OARD1: variants seen among roughly 807,000 people sequenced by gnomAD.
OARD1 encodes the protein O-acyl-ADP-ribose deacylase 1.
Under a neutral mutation model 19.7 loss-of-function variants are expected in OARD1, and 19 were observed. The observed-to-expected ratio is 0.96, with a 90% CI of 0.67 to 1.41. The LOEUF (loss-of-function observed/expected upper bound fraction) is 1.41. OARD1 is among the 40% of genes most tolerant of loss of function. The pLI is 0.00. For missense variants in OARD1, 190 were observed against 183.8 expected, an observed-to-expected ratio of 1.03 and a Z score of -0.20; for synonymous variants, 70 against 61.8, an observed-to-expected ratio of 1.13 and a Z score of -0.62.
At chr6:41,083,700 C>G (rs1240106717) in intron 1 of OARD1, among the ~76,000 whole-genome samples, 1 of 152,194 alleles carries the variant, frequency 6.6e-6, no homozygotes, top group African/African-American at 2.4e-5. Flanking sequence ...TCACTACAGA[C>G]CATTCCTGGA....
In OARD1 at chr6:41,067,524, T is replaced by C. The variant is rs551637427; in HGVS notation, c.357-87A>G. Reference sequence around the variant, plus strand: ...TTTTAAGCTATATCCACTCAAAGCATAAAAACAAATAATCTAGTCTGACAC... The same window carrying C: ...TTTTAAGCTATATCCACTCAAAGCACAAAAACAAATAATCTAGTCTGACAC... On this transcript the variant is annotated intron_variant, in intron 5 of 5. Transcript: ENST00000424266. 17 of 864,946 alleles carry C rather than the reference T, an allele frequency of 2.0e-5. No individual in the cohort carries two copies. In the African/African-American group the frequency reaches 2.7e-4, roughly 14 times the overall value. The allele number at this position is 864,946 out of a possible 1,614,324, so 53.6% of individuals were successfully genotyped here.
At chr6:41,093,935 A>C (rs1408203780) in intron 1 of OARD1, among the ~76,000 whole-genome samples, 1 of 152,222 alleles carries the variant, frequency 6.6e-6, no homozygotes, top group African/African-American at 2.4e-5. Context: ...CAGGAGGATC[A>C]CATGAGCCGA....
intron 1 of OARD1, chr6:41,079,283 G>A (rs6921430): frequency 0.09 from 81,386 of 904,408 alleles, 4,310 homozygotes; most frequent in Non-Finnish European, 0.11. Flanking sequence ...GTGAGATATT[G>A]GGTCTGATGG....
At chr6:41,082,235 A>T (rs1763930842) in intron 1 of OARD1, among the ~76,000 whole-genome samples, 1 of 152,234 alleles carries the variant, frequency 6.6e-6, no homozygotes, top group Non-Finnish European at 1.5e-5. Context: ...GCCAACTTTG[A>T]ACATAAATTA....
At chr6:41,072,882 T>G (rs1046112637), upstream of OARD1, 1 of 153,270 alleles carries the variant, frequency 6.5e-6, no homozygotes, top group Non-Finnish European at 1.5e-5. Flanking sequence ...GGGCGATCCC[T>G]GAACTGGAGT....
chr6:41,073,646 C>T (rs1043986505), upstream of OARD1, among the ~76,000 whole-genome samples: 1 of 152,016 alleles, frequency 6.6e-6, no homozygotes, highest in Admixed American at 6.5e-5. Flanking sequence ...GGAGGGTGCG[C>T]GCCGCGGCCG....
At chr6:41,089,648 G>A in intron 1 of OARD1, 1 of 1,612,664 alleles carries the variant, frequency 6.2e-7, no homozygotes, top group Non-Finnish European at 8.5e-7. Flanking sequence ...GGGCCAGCAG[G>A]GCCAGACCCA....
chr6:41,090,795 T>G (rs561662127), intron 1 of OARD1, among the ~76,000 whole-genome samples: 1 of 152,234 alleles, frequency 6.6e-6, no homozygotes, highest in Non-Finnish European at 1.5e-5. Flanking sequence ...CATGGAAGTA[T>G]GTTCTAGGAA....
At chr6:41,090,085 A>C in intron 1 of OARD1, 1 of 663,376 alleles carries the variant, frequency 1.5e-6, no homozygotes. Context: ...ACTGCACTCC[A>C]GCCTGGCGAC....
At chr6:41,077,079 T>A (rs1020750370), upstream of OARD1, among the ~76,000 whole-genome samples, 1 of 152,212 alleles carries the variant, frequency 6.6e-6, no homozygotes, top group Non-Finnish European at 1.5e-5. Flanking sequence ...AGTCATTATG[T>A]GCTTCAAGTT....
intron 1 of OARD1, chr6:41,079,094 A>G: frequency 6.2e-7 from 1 of 1,614,110 alleles, no homozygotes; most frequent in Non-Finnish European, 8.5e-7. Flanking sequence ...GGGACCATGG[A>G]GCAGTATACA....
chr6:41,067,467 G>A (rs751332139), intron 5 of OARD1, 30 bp from the exon 6 acceptor site: 10 of 1,429,944 alleles, frequency 7.0e-6, no homozygotes, highest in Admixed American at 1.7e-5. Context: ...TCCATTGATG[G>A]TAACGAAAGT....
At chr6:41,086,856 A>G (rs185813995) in intron 1 of OARD1, among the ~76,000 whole-genome samples, 2 of 152,328 alleles carry the variant, frequency 1.3e-5, no homozygotes, top group East Asian at 3.9e-4. Context: ...TATTTTAAAA[A>G]ATATTTGCTA....
At chr6:41,080,872 G>A in intron 1 of OARD1, 3 of 1,613,946 alleles carry the variant, frequency 1.9e-6, no homozygotes, top group Non-Finnish European at 1.7e-6. Context: ...TCCGCCTCAG[G>A]CCAGCAAGTC....
intron 1 of OARD1, chr6:41,094,337 G>C (rs1764288928): frequency 3.5e-6 from 5 of 1,439,800 alleles, no homozygotes; most frequent in Non-Finnish European, 4.9e-6. Flanking sequence ...TTGTGCACTA[G>C]ATAACTGTGC....
intron 5 of OARD1, 75 bp downstream of exon 5, chr6:41,068,761 TTTAAG>T: frequency 2.1e-5 from 18 of 840,328 alleles, no homozygotes; most frequent in Non-Finnish European, 3.2e-5. Context: ...GGGTTAAGCT[TTTAAG>T]TTGTTTGTCT....
rs1333922384 is a variant in OARD1 at position 41,071,830 on chromosome 6, G to A, written c.-41-155C>T. ...CTGGGACGTAATACAAAACCCTTCTGGGGCAAAGAGGAAGAACGCTTAGGT... is the reference window on the plus strand; with the variant it reads ...CTGGGACGTAATACAAAACCCTTCTAGGGCAAAGAGGAAGAACGCTTAGGT... On this transcript the variant is annotated intron_variant, in intron 1 of 5. Transcript: ENST00000424266. The A allele has an allele frequency of 7.2e-6, 4 of 556,136 alleles. No homozygotes were observed. In the African/African-American group the frequency reaches 7.5e-5, roughly 10 times the overall value. The allele number at this position is 556,136 out of a possible 1,614,324, so 34.5% of individuals were successfully genotyped here. A position where few individuals can be genotyped will look rare whatever the true frequency, so the allele number is the denominator to read the frequency against.
At chr6:41,076,093 G>A (rs911900055), upstream of OARD1, among the ~76,000 whole-genome samples, 10 of 152,094 alleles carry the variant, frequency 6.6e-5, no homozygotes, top group African/African-American at 2.4e-5. Flanking sequence ...CCAATGCTGG[G>A]AATTTTTAAA....
intron 1 of OARD1, chr6:41,089,764 T>C (rs187267650): frequency 1.3e-5 from 20 of 1,586,002 alleles, no homozygotes; most frequent in Admixed American, 8.9e-5. Context: ...AAGAGTCAGA[T>C]AACTGAGTCA....
Sources: gnomAD v4.1 joint callset for allele counts (sites outside exome capture counted in the v4.1 genomes callset) on GRCh38, gnomAD v4.1.1 for gene constraint, MANE v1.5 for transcripts, NCBI Gene and HGNC (gene_info 2026-07-23, HGNC 2026-07-21) for gene names.